TTN: variants seen among roughly 807,000 people sequenced by gnomAD.
TTN encodes the protein titin.
TTN carries 1,525 observed loss-of-function variants against 3,223.0 expected under a neutral mutation model. That is an observed-to-expected ratio of 0.47 (90% CI 0.45 to 0.49). The LOEUF (loss-of-function observed/expected upper bound fraction) is 0.49, where lower values mean the gene tolerates loss of function less well. Among genes scored for constraint, TTN ranks in the 20% least tolerant of loss-of-function variants. The pLI, the probability that TTN is intolerant of heterozygous loss-of-function variation, is 0.00. For missense variants in TTN, 40,786 were observed against 43,424.0 expected (o/e 0.94, Z 5.40); for synonymous variants, 14,094 against 15,161.0 (o/e 0.93, Z 5.17).
In TTN at chr2:178,542,481, T is replaced by A; in HGVS notation, c.97275A>T (p.Glu32425Asp). 1 of 1,613,134 alleles carries A rather than the reference T, an allele frequency of 6.2e-7. No individual in the cohort carries two copies. Among genetic ancestry groups the A allele is most frequent in the South Asian group, 1.1e-5 (1 of 91,054 alleles). The change falls in exon 349 of 363, where the codon GAA becomes GAT. Residue 32425 changes from glutamate (E) to aspartate (D), a missense_variant. Physicochemically the swap from Glu to Asp is conservative, Grantham distance 45 (BLOSUM62 2). Coordinates refer to ENST00000589042, the MANE Select transcript of TTN (RefSeq NM_001267550.2). ...TSITISWEPP[E>D]LDGGAPLSGY... is the part of the protein sequence containing the mutation. ...CACTCAGTGGAGCACCACCGTCCAA[T>A]TCAGGTGGTTCCCAGGAAATGGTAA...
At position 178,738,279 on chromosome 2, in the gene TTN, C is replaced by T. The variant is rs1179360335; in HGVS notation, c.14174G>A (p.Ser4725Asn). Reference protein sequence around the residue: ...HLAKFTCEIQSAPNVRFQWFK... With the variant: ...HLAKFTCEIQNAPNVRFQWFK... Reference sequence around the variant, plus strand: ...CCACTGGAACCGGACATTGGGAGCACTTTGGATCTCACAGGTGAATTTGGC... The same window carrying T: ...CCACTGGAACCGGACATTGGGAGCATTTTGGATCTCACAGGTGAATTTGGC... Residue 4725 changes from serine (S) to asparagine (N), a missense_variant, in exon 49 of 363, where the codon AGT (serine) becomes AAT (asparagine). Physicochemically the swap from Ser to Asn is conservative, Grantham distance 46. Coordinates refer to ENST00000589042, the MANE Select transcript of TTN (RefSeq NM_001267550.2). 2 of 1,613,560 alleles carry T rather than the reference C, an allele frequency of 1.2e-6. No individual in the cohort carries two copies. The highest frequency in any genetic ancestry group is 1.7e-5 in the Admixed American group (1 of 59,996).
rs375097334 is a variant in TTN at position 178,640,640 on chromosome 2, A to T, written c.40634-10T>A. ...GGTGGTGGTTCTGGTACTTTAAGATAAGATTATTTTTTCAGTGTTAATATT... is the reference window on the plus strand; with the variant it reads ...GGTGGTGGTTCTGGTACTTTAAGATTAGATTATTTTTTCAGTGTTAATATT... On this transcript the variant is annotated splice_polypyrimidine_tract_variant and intron_variant, in intron 220 of 362. Coordinates refer to ENST00000589042, the MANE Select transcript of TTN (RefSeq NM_001267550.2). 60 of 1,561,488 alleles carry T rather than the reference A, an allele frequency of 3.8e-5. No individual in the cohort carries two copies. The African/African-American group carries it at 7.1e-4, about 18-fold the overall frequency.
At position 178,539,618 on chromosome 2, in the gene TTN, C is replaced by T. The variant is rs773294476; in HGVS notation, c.98447G>A (p.Ser32816Asn). Reference sequence around the variant, plus strand: ...ACCATCATCAGCAGGAGGTCTCCAGCTGACCCTCACAGAGCGGACTTGGAT... The same window carrying T: ...ACCATCATCAGCAGGAGGTCTCCAGTTGACCCTCACAGAGCGGACTTGGAT... ...DDIQVRSVRV[S>N]WRPPADDGGA... The change falls in exon 352 of 363, where the codon AGC becomes AAC. Residue 32816 changes from serine (S) to asparagine (N), a missense_variant. By Grantham distance (46) the Ser-to-Asn change is conservative. Coordinates refer to ENST00000589042, the MANE Select transcript of TTN (RefSeq NM_001267550.2). The T allele has an allele frequency of 1.2e-6, 2 of 1,613,844 alleles. No homozygotes were observed. Among genetic ancestry groups the T allele is most frequent in the Non-Finnish European group, 1.7e-6 (2 of 1,179,800 alleles).
Position 178,560,779 on chromosome 2 carries a change from A to C in TTN, c.85353T>G (p.Pro28451=). 1.9e-6 allele frequency: 3 copies of C among 1,613,760 alleles called. No individual in the cohort carries two copies. The highest frequency in any genetic ancestry group is 2.2e-5 in the South Asian group (2 of 91,080). Residue 28451 remains proline, a synonymous_variant, in exon 326 of 363, where the codon CCT becomes CCG. Coordinates refer to ENST00000589042, the MANE Select transcript of TTN (RefSeq NM_001267550.2). ...VAVNCKVLDK[P]GPPAGPLEIN... ...TTTCAAGTGGTCCTGCTGGTGGACC[A>C]GGCTTATCAAGTACTTTGCAATTAA...
Position 178,633,525 on chromosome 2 carries a change from C to T in TTN, c.42834G>A (p.Lys14278=), listed in dbSNP as rs754085836. 1.9e-6 allele frequency: 3 copies of T among 1,613,412 alleles called. No homozygotes were observed. The Admixed American group carries it at 5.0e-5, about 27-fold the overall frequency. ...EIVPSPKYSI[K]ADGLRRILKI... ...TTAAGATGCGGCGCAGGCCATCTGCCTTGATAGAATATTTGGGTGAAGGGA... is the reference window on the plus strand; with the variant it reads ...TTAAGATGCGGCGCAGGCCATCTGCTTTGATAGAATATTTGGGTGAAGGGA... Residue 14278 remains lysine, a synonymous_variant, in exon 232 of 363, where the codon AAG becomes AAA. Transcript: ENST00000589042.
chr2:178,688,965 G>T, intron 125 of TTN, 88 bp downstream of exon 125: 1 of 1,361,030 alleles, frequency 7.3e-7, no homozygotes, highest in South Asian at 1.2e-5. Flanking sequence ...TATAAGCACA[G>T]ACCAGATGGA....
In TTN at chr2:178,721,121, C is replaced by T. The variant is rs1247821028; in HGVS notation, c.22898G>A (p.Ser7633Asn). The T allele has an allele frequency of 1.9e-6, 3 of 1,613,280 alleles. No individual in the cohort carries two copies. The highest frequency in any genetic ancestry group is 2.5e-6 in the Non-Finnish European group (3 of 1,179,370). Residue 7633 changes from serine (S) to asparagine (N), a missense_variant, in exon 79 of 363, where the codon AGT (serine) becomes AAT (asparagine). Physicochemically the swap from Ser to Asn is conservative, Grantham distance 46. Coordinates refer to ENST00000589042, the MANE Select transcript of TTN (RefSeq NM_001267550.2). ...GESIQLECKI[S>N]GSPEIKVSWF... ...TGAAACTTTGATTTCTGGGGAGCCA[C>T]TTATTTTACATTCCAGTTGAATGGA... is the stretch of plus-strand genomic sequence containing the variant.
At chr2:178,745,507 T>C in intron 47 of TTN, 1 of 1,577,578 alleles carries the variant, frequency 6.3e-7, no homozygotes, top group Non-Finnish European at 8.6e-7. Flanking sequence ...TGGAAGTTTA[T>C]TAGATCCACA....
Position 178,547,609 on chromosome 2 carries a change from A to G in TTN, c.94017T>C (p.Thr31339=), listed in dbSNP as rs750473201. 1.2e-6 allele frequency: 2 copies of G among 1,613,898 alleles called. No homozygotes were observed. The highest frequency in any genetic ancestry group is 4.5e-5 in the East Asian group (2 of 44,860). Reference sequence around the variant, plus strand: ...TTTCAACTATGTAATTAGTAATTTCAGTGCCTCCTCCATCTTTAGGTTCTC... The same window carrying G: ...TTTCAACTATGTAATTAGTAATTTCGGTGCCTCCTCCATCTTTAGGTTCTC... ...SWGEPKDGGG[T]EITNYIVEKR... is the part of the protein sequence containing the mutation. Residue 31339 remains threonine (T), a synonymous_variant, in exon 339 of 363, where the codon ACT becomes ACC. Coordinates refer to ENST00000589042, the MANE Select transcript of TTN (RefSeq NM_001267550.2).
intron 239 of TTN, among the ~76,000 whole-genome samples, chr2:178,629,668 C>T (rs1163351026): frequency 1.3e-5 from 2 of 152,082 alleles, no homozygotes; most frequent in Non-Finnish European, 2.9e-5. Flanking sequence ...CGTACAAGGT[C>T]AGCGAGAAAT....
At chr2:178,746,613 C>A in intron 47 of TTN, 1 of 1,613,260 alleles carries the variant, frequency 6.2e-7, no homozygotes, top group Non-Finnish European at 8.5e-7. Flanking sequence ...CTCTTTGCTT[C>A]CCCTATGATG....
At chr2:178,610,515 CACA>C (rs1314781557) in intron 270 of TTN, 126 bp from the exon 271 acceptor site, 2 of 999,550 alleles carry the variant, frequency 2.0e-6, no homozygotes, top group East Asian at 5.1e-5. Context: ...GAGTGTCATT[CACA>C]CTGCAGAGCA....
Position 178,569,500 on chromosome 2 carries a change from C to T in TTN, c.76632G>A (p.Trp25544Ter). The change falls in exon 326 of 363, where the codon TGG becomes TGA. Residue 25544 changes from tryptophan to a stop codon, truncating the protein, a stop_gained. Coordinates refer to ENST00000589042, the MANE Select transcript of TTN (RefSeq NM_001267550.2). LOFTEE classifies it high-confidence loss of function. The stretch of plus-strand genomic sequence containing the variant: ...CTCGGATTTCACCATCCACCTTTCC[C>T]CATTTAACTTCTGGTGTAGGACGAC... ...IKGRPTPEVK[W>*]GKVDGEIRDA... The T allele has an allele frequency of 6.2e-7, 1 of 1,612,684 alleles. No homozygotes were observed. Among genetic ancestry groups the T allele is most frequent in the Non-Finnish European group, 8.5e-7 (1 of 1,179,092 alleles).
chr2:178,581,359 C>T (rs2047700126), intron 316 of TTN, 140 bp downstream of exon 316: 1 of 574,064 alleles, frequency 1.7e-6, no homozygotes, highest in African/African-American at 1.9e-5. Flanking sequence ...AAGTACCCAC[C>T]CAGCTCTCCT....
rs540043466 is a variant in TTN at position 178,545,904 on chromosome 2, A to T, written c.95332T>A (p.Tyr31778Asn). The T allele has an allele frequency of 6.2e-7, 1 of 1,613,714 alleles. No homozygotes were observed. Among genetic ancestry groups the T allele is most frequent in the African/African-American group, 1.3e-5 (1 of 74,906 alleles). The part of the protein sequence containing the change: ...VVTRLIKNNE[Y>N]IFRVRAVNKY... ...TTTACTGCCCTCACTCGGAATATGTACTCATTGTTCTTGATGAGCCTGGTA... is the reference window on the plus strand; with the variant it reads ...TTTACTGCCCTCACTCGGAATATGTTCTCATTGTTCTTGATGAGCCTGGTA... Residue 31778 changes from tyrosine (Y) to asparagine (N), a missense_variant, in exon 343 of 363, where the codon TAC becomes AAC. Transcript: ENST00000589042.
intron 152 of TTN, 129 bp downstream of exon 152, chr2:178,673,504 A>G: frequency 1.7e-6 from 1 of 597,158 alleles, no homozygotes; most frequent in Non-Finnish European, 2.7e-6. Flanking sequence ...AATGAGTTAT[A>G]TTTTTACTGG....
At position 178,619,634 on chromosome 2, in the gene TTN, C is replaced by A; in HGVS notation, c.46683G>T (p.Lys15561Asn). Residue 15561 changes from lysine to asparagine, a missense_variant, in exon 250 of 363, where the codon AAG (lysine) becomes AAT (asparagine). Physicochemically the swap from Lys to Asn is moderately conservative, Grantham distance 94 (BLOSUM62 0). Transcript: ENST00000589042. ...AAAGGGACTGACCTGCCAGTTCAAG[C>A]TTAGCTCTGGCTTCTTTGTCTTTGG... ...FIAKDKEARA[K>N]LELAAAPKIK... 6.2e-7 allele frequency: 1 copy of A among 1,611,786 alleles called. No homozygotes were observed. Among genetic ancestry groups the A allele is most frequent in the Non-Finnish European group, 8.5e-7 (1 of 1,178,682 alleles).
In TTN at chr2:178,531,992, T is replaced by C. The variant is rs377594642; in HGVS notation, c.104623A>G (p.Arg34875Gly). Residue 34875 changes from arginine (R) to glycine (G), a missense_variant, in exon 358 of 363, where the codon AGG (arginine) becomes GGG (glycine). Coordinates refer to ENST00000589042, the MANE Select transcript of TTN (RefSeq NM_001267550.2). The part of the protein sequence containing the change: ...AEEYEDDTER[R>G]SPTPERTRPR... ...CGAGTTCTCTCTGGAGTAGGTGACC[T>C]TCTTTCTGTGTCATCTTCGTATTCC... 5 of 1,613,878 alleles carry C rather than the reference T, an allele frequency of 3.1e-6. No homozygotes were observed. The highest frequency in any genetic ancestry group is 4.2e-6 in the Non-Finnish European group (5 of 1,179,850).
In TTN at chr2:178,715,238, G is replaced by T; in HGVS notation, c.25948C>A (p.His8650Asn). 6.2e-7 allele frequency: 1 copy of T among 1,606,546 alleles called. No individual in the cohort carries two copies. Among genetic ancestry groups the T allele is most frequent in the Non-Finnish European group, 8.5e-7 (1 of 1,176,754 alleles). The change falls in exon 90 of 363, where the codon CAT becomes AAT. Residue 8650 changes from histidine (H) to asparagine (N), a missense_variant. Physicochemically the swap from His to Asn is moderately conservative, Grantham distance 68. Transcript: ENST00000589042. ...GCTCCTTTCAGTGTCTCTATAGGAT[G>T]AGGCTTTTTGCGGAAAATGGGTGGT... ...KEPPIFRKKP[H>N]PIETLKGADV... is the part of the protein sequence containing the mutation.
Sources: gnomAD v4.1 joint callset for allele counts (sites outside exome capture counted in the v4.1 genomes callset) on GRCh38, gnomAD v4.1.1 for gene constraint, MANE v1.5 for transcripts, NCBI Gene and HGNC (gene_info 2026-07-23, HGNC 2026-07-21) for gene names.